The following MSTO1 variants were observed in gnomAD, a reference collection of about 807,000 sequenced individuals.
The protein encoded by MSTO1 is protein misato homolog 1.
MSTO1 carries 24 observed loss-of-function variants against 55.7 expected under a neutral mutation model. The observed-to-expected ratio is 0.43, with a 90% CI of 0.31 to 0.61. The LOEUF (loss-of-function observed/expected upper bound fraction) is 0.61. MSTO1 is among the 20% of genes least tolerant of loss of function. The probability of loss-of-function intolerance (pLI) is 0.09; values close to 1 mark genes in which losing one functional copy is unlikely to be tolerated. For missense variants in MSTO1, 363 were observed against 625.7 expected, an observed-to-expected ratio of 0.58 and a Z score of 4.48; for synonymous variants, 162 against 252.8, an observed-to-expected ratio of 0.64 and a Z score of 3.41.
chr1:155,575,794 A>AT, the MSTO1 span, among the ~76,000 whole-genome samples: 11 of 139,188 alleles, frequency 7.9e-5, no homozygotes, highest in East Asian at 2.1e-4. Context: ...GTCTTATTTT[A>AT]TTTTTATTTA....
At chr1:155,607,708 A>ACT (rs1672960265), upstream of MSTO1, among the ~76,000 whole-genome samples, 1 of 152,244 alleles carries the variant, frequency 6.6e-6, no homozygotes, top group South Asian at 2.1e-4. Flanking sequence ...CATACTTAGA[A>ACT]AAGTGAAATA....
the MSTO1 span, among the ~76,000 whole-genome samples, chr1:155,603,876 A>G: frequency 6.6e-6 from 1 of 152,158 alleles, no homozygotes; most frequent in Non-Finnish European, 1.5e-5. Flanking sequence ...AAAAAAAATT[A>G]AATCTCAAAA....
chr1:155,595,775 C>A, the MSTO1 span, among the ~76,000 whole-genome samples: 1 of 152,174 alleles, frequency 6.6e-6, no homozygotes, highest in African/African-American at 2.4e-5. Flanking sequence ...CCACACTTGG[C>A]CCAGAATCCA....
chr1:155,607,983 G>C (rs1204928499), upstream of MSTO1, among the ~76,000 whole-genome samples: 1 of 152,212 alleles, frequency 6.6e-6, no homozygotes, highest in Non-Finnish European at 1.5e-5. Context: ...AGGGCAAAGA[G>C]AGTGAGACAG....
the MSTO1 span, among the ~76,000 whole-genome samples, chr1:155,565,249 C>G: frequency 7.8e-4 from 115 of 148,254 alleles, 1 homozygote; most frequent in African/African-American, 2.6e-3. Flanking sequence ...GAGTCGAGAT[C>G]ACGCCTTTGC....
At chr1:155,574,444 T>G in the MSTO1 span, among the ~76,000 whole-genome samples, 156 of 152,320 alleles carry the variant, frequency 1.0e-3, no homozygotes, top group African/African-American at 3.6e-3. Context: ...TTAATTTTGA[T>G]AACTGTCCTA....
chr1:155,579,501 C>T, the MSTO1 span, among the ~76,000 whole-genome samples: 5 of 152,144 alleles, frequency 3.3e-5, no homozygotes. Context: ...TAGGCATTTG[C>T]TGATTGACAG....
chr1:155,605,881 T>C (rs1467868862), upstream of MSTO1, among the ~76,000 whole-genome samples: 2 of 152,230 alleles, frequency 1.3e-5, no homozygotes, highest in Non-Finnish European at 2.9e-5. Context: ...TAAATTCTTG[T>C]GGAAAATAGA....
At chr1:155,609,243 A>ATATT (rs59756178), upstream of MSTO1, among the ~76,000 whole-genome samples, 180 of 54,562 alleles carry the variant, frequency 3.3e-3, 9 homozygotes, top group African/African-American at 0.012. Context: ...ATATATATAT[A>ATATT]TTTTTTTTTT....
the MSTO1 span, among the ~76,000 whole-genome samples, chr1:155,600,931 C>T: frequency 6.6e-6 from 1 of 150,566 alleles, no homozygotes; most frequent in African/African-American, 2.4e-5. Flanking sequence ...CCGCCTTGGC[C>T]TCCCAAAGTG....
At chr1:155,578,371 G>C in the MSTO1 span, among the ~76,000 whole-genome samples, 4 of 50,272 alleles carry the variant, frequency 8.0e-5, no homozygotes, top group Admixed American at 1.5e-3. Context: ...TTTTGAGATA[G>C]AGTCTCACTC....
chr1:155,600,950 A>G, the MSTO1 span, among the ~76,000 whole-genome samples: 4 of 144,852 alleles, frequency 2.8e-5, no homozygotes, highest in Non-Finnish European at 4.5e-5. Context: ...TGCTGGGATT[A>G]CAGGTGTGAG....
chr1:155,598,395 G>A, the MSTO1 span, among the ~76,000 whole-genome samples: 1 of 152,172 alleles, frequency 6.6e-6, no homozygotes, highest in Admixed American at 6.6e-5. Context: ...AATTACAGGT[G>A]TGAGCCACCG....
chr1:155,563,359 A>G, the MSTO1 span: 4 of 456,352 alleles, frequency 8.8e-6, no homozygotes, highest in Non-Finnish European at 1.8e-5. Context: ...CGGGTATTGT[A>G]CCGCTGAGGG....
At chr1:155,574,474 A>G in the MSTO1 span, among the ~76,000 whole-genome samples, 2 of 152,186 alleles carry the variant, frequency 1.3e-5, no homozygotes, top group Non-Finnish European at 2.9e-5. Flanking sequence ...ATATATATAT[A>G]GACATATATA....
chr1:155,568,822 G>A, the MSTO1 span, among the ~76,000 whole-genome samples: 8 of 149,002 alleles, frequency 5.4e-5, no homozygotes, highest in South Asian at 2.1e-4. Flanking sequence ...TACTGCCCCC[G>A]GCCTTTTTTT....
At chr1:155,613,415 A>T in intron 11 of MSTO1, 47 bp from the exon 12 acceptor site, 1 of 1,611,282 alleles carries the variant, frequency 6.2e-7, no homozygotes, top group Non-Finnish European at 8.5e-7. Flanking sequence ...TCTGTTTCTT[A>T]TTCATGCAGC....
At chr1:155,609,893 CTG>C, upstream of MSTO1, 1 of 257,670 alleles carries the variant, frequency 3.9e-6, no homozygotes, top group Non-Finnish European at 7.5e-6. Context: ...GCGGAGAGAT[CTG>C]TGAGAAGGGA....
the MSTO1 span, among the ~76,000 whole-genome samples, chr1:155,585,141 C>T: frequency 1.3e-5 from 2 of 152,132 alleles, no homozygotes; most frequent in African/African-American, 4.8e-5. Flanking sequence ...ATTGTATTCA[C>T]AGGGCCTGGT....
Sources: allele counts gnomAD v4.1 joint callset (sites outside exome capture counted in the v4.1 genomes callset), GRCh38; gene constraint gnomAD v4.1.1; transcripts MANE v1.5; gene names NCBI Gene and HGNC (gene_info 2026-07-23, HGNC 2026-07-21).